Variants in PRKG1 observed in about 807,000 individuals in gnomAD.
PRKG1 encodes protein kinase cGMP-dependent 1, also known as cGMP-dependent protein kinase 1.
PRKG1 carries 35 observed loss-of-function variants against 88.1 expected under a neutral mutation model. The ratio of observed to expected loss-of-function variants is 0.40; its 90% CI spans 0.30 to 0.53. The LOEUF (loss-of-function observed/expected upper bound fraction) is 0.53. Among genes scored for constraint, PRKG1 ranks in the 20% least tolerant of loss-of-function variants. The probability of loss-of-function intolerance (pLI) is 0.59; values close to 1 mark genes in which losing one functional copy is unlikely to be tolerated. For synonymous variants in PRKG1, 303 were observed against 292.5 expected (o/e 1.04, Z -0.37); for missense variants, 540 against 839.8 (o/e 0.64, Z 4.41).
chr10:51,994,725 TC>T (rs1844394587), intron 5 of PRKG1, among the ~76,000 whole-genome samples: 1 of 152,136 alleles, frequency 6.6e-6, no homozygotes, highest in Non-Finnish European at 1.5e-5. Context: ...TGTGCTGTTG[TC>T]TCTTCATATA....
At position 51,128,624 on chromosome 10, in the gene PRKG1, G is replaced by A. The variant is rs78306152; in HGVS notation, c.312-24540G>A. 3.7e-3 allele frequency among the ~76,000 whole-genome samples: 568 copies of A among 152,272 alleles called. 4 individuals carry two copies. The highest frequency in any genetic ancestry group is 0.013 in the African/African-American group (535 of 41,544). ...AGTATCTATTTACACTTAGACCAGG[G>A]TAAGTGGAATTGCAAATCAAATGCA... On this transcript the variant is annotated intron_variant, in intron 1 of 17. Transcript: ENST00000373980.
chr10:51,066,378 G>A (rs553500629), intron 1 of PRKG1, among the ~76,000 whole-genome samples: 6 of 152,054 alleles, frequency 3.9e-5, no homozygotes, highest in Non-Finnish European at 7.4e-5. Flanking sequence ...TTTCTGTCAT[G>A]TCATTGGCTG....
At chr10:51,275,768 T>C (rs976538158) in intron 2 of PRKG1, among the ~76,000 whole-genome samples, 1 of 152,064 alleles carries the variant, frequency 6.6e-6, no homozygotes, top group Non-Finnish European at 1.5e-5. Flanking sequence ...AAAAGAGACC[T>C]GTGACACTGT....
chr10:51,583,622 C>T (rs1422846945), intron 3 of PRKG1, among the ~76,000 whole-genome samples: 1 of 152,028 alleles, frequency 6.6e-6, no homozygotes, highest in Non-Finnish European at 1.5e-5. Flanking sequence ...GAATATAGTG[C>T]AGAGAGTATG....
intron 3 of PRKG1, among the ~76,000 whole-genome samples, chr10:51,510,695 C>T (rs1357567193): frequency 6.6e-6 from 1 of 150,932 alleles, no homozygotes; most frequent in Admixed American, 6.6e-5. Flanking sequence ...CACTAGAATA[C>T]TAATGAAAAA....
At chr10:51,381,462 A>C (rs1837102235) in intron 2 of PRKG1, among the ~76,000 whole-genome samples, 1 of 151,948 alleles carries the variant, frequency 6.6e-6, no homozygotes, top group Non-Finnish European at 1.5e-5. Context: ...AGTGATTCAC[A>C]ACTGGGCATG....
intron 4 of PRKG1, among the ~76,000 whole-genome samples, chr10:51,830,593 ACT>A (rs1839982499): frequency 1.6e-5 from 2 of 124,174 alleles, no homozygotes; most frequent in Non-Finnish European, 3.2e-5. Context: ...TCACAGTCTC[ACT>A]CTGTCGGCCA....
chr10:51,221,513 A>G (rs1310802443), intron 2 of PRKG1, among the ~76,000 whole-genome samples: 3 of 151,978 alleles, frequency 2.0e-5, no homozygotes, highest in Non-Finnish European at 2.9e-5. Context: ...AAATTTTACA[A>G]TGTTTGTAAA....
At chr10:51,229,765 C>CA (rs1361515862) in intron 2 of PRKG1, among the ~76,000 whole-genome samples, 2 of 151,344 alleles carry the variant, frequency 1.3e-5, no homozygotes, top group East Asian at 2.0e-4. Flanking sequence ...TCTTTCTCTA[C>CA]AAAAAATAAA....
intron 2 of PRKG1, among the ~76,000 whole-genome samples, chr10:51,237,174 CTT>C (rs1419213231): frequency 6.6e-6 from 1 of 152,216 alleles, no homozygotes; most frequent in African/African-American, 2.4e-5. Context: ...ATTCAACTGT[CTT>C]TGCCTGATGA....
chr10:51,850,781 A>G (rs1334763048), intron 4 of PRKG1, among the ~76,000 whole-genome samples: 1 of 152,208 alleles, frequency 6.6e-6, no homozygotes, highest in Non-Finnish European at 1.5e-5. Context: ...CTATAGTGTT[A>G]CACTATTTCT....
At position 52,014,427 on chromosome 10, in the gene PRKG1, C is replaced by A. The variant is rs77296817; in HGVS notation, c.763-40057C>A. On this transcript the variant is annotated intron_variant, in intron 5 of 17. Transcript: ENST00000373980. ...CATGATAACACCATGGCGGAAACAG[C>A]CTCCATGATCCAATCACCCCCATCA... 7.0e-3 allele frequency among the ~76,000 whole-genome samples: 1,069 copies of A among 152,270 alleles called. 9 individuals carry two copies. The highest frequency in any genetic ancestry group is 0.023 in the South Asian group (109 of 4,830).
chr10:51,218,864 G>T (rs989479975), intron 2 of PRKG1, among the ~76,000 whole-genome samples: 2 of 151,858 alleles, frequency 1.3e-5, no homozygotes, highest in African/African-American at 4.8e-5. Context: ...GTGGAAGAAG[G>T]AGAGAAGAAG....
At chr10:51,355,467 T>C (rs1842345441) in intron 2 of PRKG1, among the ~76,000 whole-genome samples, 1 of 152,102 alleles carries the variant, frequency 6.6e-6, no homozygotes, top group African/African-American at 2.4e-5. Context: ...TCCCCCACAC[T>C]GTGCTTCTTT....
At chr10:52,287,580 G>A (rs184836955) in intron 14 of PRKG1, among the ~76,000 whole-genome samples, 41 of 151,774 alleles carry the variant, frequency 2.7e-4, no homozygotes, top group Middle Eastern at 3.4e-3. Flanking sequence ...GAAATCATTC[G>A]TCAAGGTGTA....
intron 3 of PRKG1, among the ~76,000 whole-genome samples, chr10:51,564,888 C>A (rs543726246): frequency 1.3e-5 from 2 of 152,106 alleles, no homozygotes; most frequent in Non-Finnish European, 2.9e-5. Context: ...AAATTGGACT[C>A]TTTTTTTCTT....
chr10:51,479,764 T>C (rs911197217), intron 3 of PRKG1, among the ~76,000 whole-genome samples: 3 of 149,974 alleles, frequency 2.0e-5, no homozygotes, highest in African/African-American at 4.8e-5. Context: ...TAAATTGGAA[T>C]AGCAAGTAGT....
intron 1 of PRKG1, among the ~76,000 whole-genome samples, chr10:51,032,863 T>A (rs190848191): frequency 7.7e-4 from 118 of 152,300 alleles, no homozygotes; most frequent in Admixed American, 2.0e-3. Flanking sequence ...TTTTTAAAAA[T>A]AAAAATTGTG....
intron 2 of PRKG1, among the ~76,000 whole-genome samples, chr10:51,289,605 G>A (rs1840530862): frequency 6.6e-6 from 1 of 151,752 alleles, no homozygotes; most frequent in Non-Finnish European, 1.5e-5. Context: ...AGGATACTTG[G>A]GAAACACAGT....
Sources: allele counts gnomAD v4.1 joint callset (sites outside exome capture counted in the v4.1 genomes callset), GRCh38; gene constraint gnomAD v4.1.1; transcripts MANE v1.5; gene names NCBI Gene and HGNC (gene_info 2026-07-23, HGNC 2026-07-21).